The following USP4 variants were observed in gnomAD, a reference collection of about 807,000 sequenced individuals.
USP4 encodes ubiquitin specific peptidase 4.
In USP4, 72 loss-of-function variants were observed where a neutral mutation model predicts 118.2. That is an observed-to-expected ratio of 0.61 (90% CI 0.50 to 0.74). The LOEUF is 0.74. USP4 is among the 30% of genes least tolerant of loss of function. The pLI, the probability that USP4 is intolerant of heterozygous loss-of-function variation, is 0.00. For missense variants in USP4, 1,037 were observed against 1,185.7 expected, an observed-to-expected ratio of 0.87 and a Z score of 1.84; for synonymous variants, 415 against 440.4, an observed-to-expected ratio of 0.94 and a Z score of 0.72.
At chr3:49,322,212 G>A (rs1044036134) in intron 6 of USP4, among the ~76,000 whole-genome samples, 3 of 152,162 alleles carry the variant, frequency 2.0e-5, no homozygotes, top group Non-Finnish European at 4.4e-5. Flanking sequence ...TAAGTCAACA[G>A]AATCATTATG....
intron 16 of USP4, 88 bp downstream of exon 16, chr3:49,286,010 C>G: frequency 7.8e-7 from 1 of 1,277,488 alleles, no homozygotes; most frequent in Admixed American, 1.9e-5. Flanking sequence ...ACTGTGAAAG[C>G]CCAATGCAGT....
At position 49,340,032 on chromosome 3, in the gene USP4, G is replaced by GCGGCCC; in HGVS notation, c.-14_-9dup. The GCGGCCC allele has an allele frequency of 6.2e-7, 1 of 1,604,026 alleles. No homozygotes were observed. ...GCCTCCACCTTCCGCCATCTCCTCC[G>GCGGCCC]CGGCCCCGGCCCAGCCGGCCCGGAC... is the stretch of plus-strand genomic sequence containing the variant. On this transcript the variant is annotated 5_prime_UTR_variant, in exon 1 of 22. Transcript: ENST00000265560.
chr3:49,338,977 C>A (rs2047702851), intron 1 of USP4, among the ~76,000 whole-genome samples: 1 of 152,048 alleles, frequency 6.6e-6, no homozygotes, highest in South Asian at 2.1e-4. Flanking sequence ...GAAACCCGGT[C>A]TCTACTAAAA....
At chr3:49,310,797 G>T in intron 7 of USP4, 60 bp from the exon 8 acceptor site, 1 of 1,327,616 alleles carries the variant, frequency 7.5e-7, no homozygotes, top group Non-Finnish European at 1.1e-6. Context: ...CCCTCAAGAT[G>T]CTTTTTGAGG....
chr3:49,278,796 A>G lies in USP4; in HGVS notation c.2733+18T>C, dbSNP rs1447543913. 9.0e-6 allele frequency: 14 copies of G among 1,564,068 alleles called. No homozygotes were observed. The highest frequency in any genetic ancestry group is 1.2e-5 in the South Asian group (1 of 86,950). On this transcript the variant is annotated intron_variant, in intron 21 of 21. Coordinates refer to ENST00000265560, the MANE Select transcript of USP4 (RefSeq NM_003363.4). ...CCATAACGACATGAGGAAGAACCAC[A>G]TATCATGGCCTACTCACCACTATCT... is the stretch of plus-strand genomic sequence containing the variant.
chr3:49,295,693 T>C (rs1262846734), intron 13 of USP4, among the ~76,000 whole-genome samples: 1 of 143,862 alleles, frequency 7.0e-6, no homozygotes, highest in African/African-American at 2.9e-5. Flanking sequence ...ACTAAACATA[T>C]GCACGTGTGC....
intron 3 of USP4, 79 bp from the exon 4 acceptor site, chr3:49,325,924 C>T: frequency 6.5e-7 from 1 of 1,541,536 alleles, no homozygotes; most frequent in Non-Finnish European, 8.8e-7. Context: ...TTATCAGAAG[C>T]AAAAAGCAGA....
chr3:49,283,264 T>C (rs953664228), intron 19 of USP4, among the ~76,000 whole-genome samples: 1 of 152,046 alleles, frequency 6.6e-6, no homozygotes, highest in East Asian at 1.9e-4. Context: ...TCTGCCCACC[T>C]TGGCCTCCCA....
intron 2 of USP4, among the ~76,000 whole-genome samples, chr3:49,333,565 A>T (rs1440244196): frequency 1.3e-5 from 2 of 152,164 alleles, no homozygotes; most frequent in Non-Finnish European, 2.9e-5. Flanking sequence ...TAGGGTTACT[A>T]AGTGGCCGAA....
At chr3:49,291,163 A>G (rs1312938129) in intron 15 of USP4, among the ~76,000 whole-genome samples, 1 of 150,744 alleles carries the variant, frequency 6.6e-6, no homozygotes, top group Non-Finnish European at 1.5e-5. Flanking sequence ...ATGGGGTTTC[A>G]CTGTGTTAGC....
chr3:49,306,348 A>G (rs922079163), intron 8 of USP4, among the ~76,000 whole-genome samples: 3 of 151,700 alleles, frequency 2.0e-5, no homozygotes, highest in African/African-American at 7.2e-5. Context: ...CATCACAGGC[A>G]CCGGCCACCA....
At chr3:49,279,131 T>C in intron 20 of USP4, 1 of 296,444 alleles carries the variant, frequency 3.4e-6, no homozygotes. Context: ...GGACCAAGAT[T>C]TTAAACTATA....
intron 10 of USP4, 80 bp from the exon 11 acceptor site, chr3:49,300,771 C>G: frequency 7.5e-7 from 1 of 1,341,926 alleles, no homozygotes; most frequent in Admixed American, 1.9e-5. Flanking sequence ...CACAGCAAAC[C>G]TGGAGATGAA....
chr3:49,291,964 T>C (rs1237544078), intron 15 of USP4, among the ~76,000 whole-genome samples: 1 of 151,932 alleles, frequency 6.6e-6, no homozygotes, highest in Non-Finnish European at 1.5e-5. Flanking sequence ...CCCGCCACCA[T>C]GTCCGGCTAA....
intron 14 of USP4, among the ~76,000 whole-genome samples, chr3:49,293,358 C>T (rs990959263): frequency 1.3e-5 from 2 of 151,798 alleles, no homozygotes; most frequent in Non-Finnish European, 2.9e-5. Flanking sequence ...ACTAAAAATA[C>T]AAAAATTAGC....
At chr3:49,338,975 G>A (rs1002579875) in intron 1 of USP4, among the ~76,000 whole-genome samples, 3 of 151,988 alleles carry the variant, frequency 2.0e-5, no homozygotes, top group South Asian at 2.1e-4. Flanking sequence ...GTGAAACCCG[G>A]TCTCTACTAA....
At chr3:49,280,477 C>T (rs968140953) in intron 20 of USP4, among the ~76,000 whole-genome samples, 3 of 148,414 alleles carry the variant, frequency 2.0e-5, no homozygotes, top group Non-Finnish European at 4.4e-5. Flanking sequence ...AGGAGAATGG[C>T]GTGAACCTGG....
intron 8 of USP4, 131 bp downstream of exon 8, chr3:49,310,489 C>G: frequency 2.6e-6 from 2 of 770,292 alleles, no homozygotes; most frequent in South Asian, 1.6e-5. Flanking sequence ...GATGCCCTAG[C>G]AGAGACTACT....
At chr3:49,298,312 C>T (rs35220094) in intron 12 of USP4, among the ~76,000 whole-genome samples, 9,250 of 152,284 alleles carry the variant, frequency 0.061, 344 homozygotes, top group Non-Finnish European at 0.073. Context: ...AGCCCTACTC[C>T]TGGTCCTTTG....
Sources: allele counts gnomAD v4.1 joint callset (sites outside exome capture counted in the v4.1 genomes callset), GRCh38; gene constraint gnomAD v4.1.1; transcripts MANE v1.5; gene names NCBI Gene and HGNC (gene_info 2026-07-23, HGNC 2026-07-21).